Variants in SMIM13 observed in about 807,000 individuals in gnomAD.
SMIM13 encodes UPF0766 protein C6orf228.
In SMIM13, 3 loss-of-function variants were observed where a neutral mutation model predicts 5.9. The ratio of observed to expected loss-of-function variants is 0.51; its 90% CI spans 0.23 to 1.31. The LOEUF is 1.31. Among genes scored for constraint, SMIM13 ranks in the 40% most tolerant of loss-of-function variants. The pLI, the probability that SMIM13 is intolerant of heterozygous loss-of-function variation, is 0.18. For missense variants in SMIM13, 85 were observed against 109.9 expected (o/e 0.77, Z 1.01); for synonymous variants, 55 against 46.0 (o/e 1.19, Z -0.79).
At chr6:11,097,252 T>C (rs966029540) in intron 1 of SMIM13, among the ~76,000 whole-genome samples, 1 of 152,254 alleles carries the variant, frequency 6.6e-6, no homozygotes, top group Non-Finnish European at 1.5e-5. Context: ...TCCTTATGTC[T>C]TCACATAGTC....
At position 11,094,225 on chromosome 6, in the gene SMIM13, C is replaced by T; in HGVS notation, c.-89C>T. Reference sequence around the variant, plus strand: ...CCCCGGCGCCCAGCCGCGCCTGGCGCCCGCCGCTGAAGCGCAGGACGCGCC... The same window carrying T: ...CCCCGGCGCCCAGCCGCGCCTGGCGTCCGCCGCTGAAGCGCAGGACGCGCC... On this transcript the variant is annotated 5_prime_UTR_variant, in exon 1 of 2. Transcript: ENST00000416247. The T allele has an allele frequency of 3.2e-6, 2 of 632,060 alleles. No homozygotes were observed. Among genetic ancestry groups the T allele is most frequent in the Non-Finnish European group, 4.0e-6 (2 of 498,064 alleles). The allele number at this position is 632,060 out of a possible 1,614,324, so 39.2% of individuals were successfully genotyped here.
At chr6:11,099,390 G>A (rs1041246222) in intron 1 of SMIM13, among the ~76,000 whole-genome samples, 4 of 152,092 alleles carry the variant, frequency 2.6e-5, no homozygotes, top group African/African-American at 9.7e-5. Flanking sequence ...GGCCAGGATG[G>A]TCTCAATCTC....
At chr6:11,130,157 A>G (rs996801561) in intron 1 of SMIM13, among the ~76,000 whole-genome samples, 5 of 151,814 alleles carry the variant, frequency 3.3e-5, no homozygotes, top group African/African-American at 1.2e-4. Context: ...AACTTGTTGA[A>G]CTTTCCTCAA....
chr6:11,096,878 A>G (rs1033936527), intron 1 of SMIM13, among the ~76,000 whole-genome samples: 1 of 152,044 alleles, frequency 6.6e-6, no homozygotes, highest in East Asian at 1.9e-4. Context: ...TTTAATAGAG[A>G]TGGGGTTTCT....
rs180719364 is a variant in SMIM13, at chr6:11,115,497, T to C, written c.77-18906T>C. Among the ~76,000 whole-genome samples the C allele has an allele frequency of 4.3e-3, 659 of 152,304 alleles. 2 individuals carry two copies. Among genetic ancestry groups the C allele is most frequent in the African/African-American group, 0.015 (626 of 41,556 alleles). ...ACCAGGGAGGGTCCCAATCCCTCTT[T>C]TAAGGTTTTTACCTAATTGAGTCAG... is the stretch of plus-strand genomic sequence containing the variant. On this transcript the variant is annotated intron_variant, in intron 1 of 1. Coordinates refer to ENST00000416247, the MANE Select transcript of SMIM13 (RefSeq NM_001135575.2).
rs1280426462 is a variant in SMIM13 at position 11,136,338 on chromosome 6, C to T, written c.*1736C>T. The T allele has an allele frequency of 2.0e-5, 3 of 152,318 alleles. No individual in the cohort carries two copies. The East Asian group carries it at 5.8e-4, about 29-fold the overall frequency. The allele number at this position is 152,318 out of a possible 1,614,324, so 9.4% of individuals were successfully genotyped here. Reference sequence around the variant, plus strand: ...GGGAGAAGAGATGTGAATTAAACAACCTTCCTGTTTAGTGTTACCTGCTTT... The same window carrying T: ...GGGAGAAGAGATGTGAATTAAACAATCTTCCTGTTTAGTGTTACCTGCTTT... On this transcript the variant is annotated 3_prime_UTR_variant, in exon 2 of 2. Transcript: ENST00000416247.
intron 1 of SMIM13, among the ~76,000 whole-genome samples, chr6:11,107,615 C>G (rs985759567): frequency 6.6e-6 from 1 of 152,106 alleles, no homozygotes; most frequent in African/African-American, 2.4e-5. Context: ...GGGGGAGATA[C>G]AAAAGAAAGA....
intron 1 of SMIM13, among the ~76,000 whole-genome samples, chr6:11,125,433 T>C (rs1296703025): frequency 6.6e-6 from 1 of 151,690 alleles, no homozygotes; most frequent in East Asian, 1.9e-4. Context: ...CCGTCTCTAC[T>C]AAAAATACAA....
intron 1 of SMIM13, chr6:11,105,212 T>A: frequency 6.2e-7 from 1 of 1,614,110 alleles, no homozygotes; most frequent in Non-Finnish European, 8.5e-7. Context: ...ATCCTGTACT[T>A]TGGAGCAGTT....
intron 1 of SMIM13, among the ~76,000 whole-genome samples, chr6:11,101,039 T>C (rs1339148387): frequency 2.0e-5 from 3 of 151,486 alleles, no homozygotes; most frequent in African/African-American, 4.9e-5. Flanking sequence ...TTTCTTTTTT[T>C]TTTTTTTTTC....
At position 11,121,932 on chromosome 6, in the gene SMIM13, A is replaced by G. The variant is rs768031290; in HGVS notation, c.77-12471A>G. Among the ~76,000 whole-genome samples, 42 of 152,148 alleles carry G rather than the reference A, an allele frequency of 2.8e-4. 1 individual carries two copies. Among genetic ancestry groups the G allele is most frequent in the Non-Finnish European group, 5.1e-4 (35 of 68,034 alleles). On this transcript the variant is annotated intron_variant, in intron 1 of 1. Transcript: ENST00000416247. ...ACATACATACCTACACCGTCTCACT[A>G]GTAAATACTGATTTTTGCATTAAGC...
In SMIM13 at chr6:11,112,158, T is replaced by C. The variant is rs1758176484; in HGVS notation, c.76+17769T>C. 2.0e-5 allele frequency among the ~76,000 whole-genome samples: 3 copies of C among 152,144 alleles called. No individual in the cohort carries two copies. The South Asian group carries it at 6.2e-4, about 32-fold the overall frequency. On this transcript the variant is annotated intron_variant, in intron 1 of 1. Transcript: ENST00000416247. ...ATCATCACCTGATGGTCGCCTGACA[T>C]TCCTGAGCTGGGGGCCCTCTCCTGC...
At chr6:11,100,186 G>A (rs1298285757) in intron 1 of SMIM13, among the ~76,000 whole-genome samples, 2 of 151,898 alleles carry the variant, frequency 1.3e-5, no homozygotes, top group Non-Finnish European at 2.9e-5. Flanking sequence ...TCAGCCTCCC[G>A]AGTAGCTGGG....
At chr6:11,104,902 C>T (rs531962436) in intron 1 of SMIM13, 1 of 1,614,204 alleles carries the variant, frequency 6.2e-7, no homozygotes, top group African/African-American at 1.3e-5. Context: ...AGAGTGCCTA[C>T]ATTTGTTCCA....
At position 11,105,547 on chromosome 6, in the gene SMIM13, G is replaced by A. The variant is rs1341957308; in HGVS notation, c.76+11158G>A. ...GTGTATTCCGGAGCTGAGGTTGCTG[G>A]TTCTGGCTCTGGAGTTTAAGGGCTT... On this transcript the variant is annotated intron_variant, in intron 1 of 1. Transcript: ENST00000416247. The A allele has an allele frequency of 1.9e-5, 9 of 473,984 alleles. No individual in the cohort carries two copies. The East Asian group carries it at 3.4e-4, about 18-fold the overall frequency. The allele number at this position is 473,984 out of a possible 1,614,324, so 29.4% of individuals were successfully genotyped here.
At chr6:11,096,570 C>T (rs932109145) in intron 1 of SMIM13, among the ~76,000 whole-genome samples, 4 of 152,074 alleles carry the variant, frequency 2.6e-5, no homozygotes, top group African/African-American at 9.7e-5. Context: ...GGAGAGGAGG[C>T]AAGGATCAGA....
At chr6:11,115,547 T>A (rs1223379362) in intron 1 of SMIM13, among the ~76,000 whole-genome samples, 4 of 152,228 alleles carry the variant, frequency 2.6e-5, no homozygotes, top group Admixed American at 6.5e-5. Flanking sequence ...ATTTCACTTT[T>A]GAATAACTAA....
chr6:11,102,720 G>A (rs1758013313), intron 1 of SMIM13: 1 of 152,202 alleles, frequency 6.6e-6, no homozygotes, highest in Non-Finnish European at 1.5e-5. Context: ...TCGGGTGTTA[G>A]TTTGCTTGGT....
At chr6:11,118,949 T>G (rs998217839) in intron 1 of SMIM13, among the ~76,000 whole-genome samples, 2 of 152,154 alleles carry the variant, frequency 1.3e-5, no homozygotes, top group African/African-American at 4.8e-5. Context: ...AGTTACTGAG[T>G]TAGGATTCAT....
Sources: gnomAD v4.1 joint callset for allele counts (sites outside exome capture counted in the v4.1 genomes callset) on GRCh38, gnomAD v4.1.1 for gene constraint, MANE v1.5 for transcripts, NCBI Gene and HGNC (gene_info 2026-07-23, HGNC 2026-07-21) for gene names.